Variants in DDX60 observed in about 807,000 individuals in gnomAD.
The protein encoded by DDX60 is probable ATP-dependent RNA helicase DDX60.
In DDX60, 165 loss-of-function variants were observed where a neutral mutation model predicts 212.8. That is an observed-to-expected ratio of 0.78 (90% CI 0.68 to 0.88). DDX60 has a LOEUF of 0.88. Among genes scored for constraint, DDX60 ranks in the 40% least tolerant of loss-of-function variants. The pLI is 0.00. For synonymous variants in DDX60, 703 were observed against 685.3 expected, an observed-to-expected ratio of 1.03 and a Z score of -0.40; for missense variants, 1,905 against 2,003.9, an observed-to-expected ratio of 0.95 and a Z score of 0.94.
At chr4:168,227,638 T>G (rs1031327009) in intron 33 of DDX60, among the ~76,000 whole-genome samples, 2 of 152,042 alleles carry the variant, frequency 1.3e-5, no homozygotes, top group Non-Finnish European at 2.9e-5. Flanking sequence ...GTTATTTTCT[T>G]AAGCTAAAGT....
At chr4:168,222,414 A>G (rs1441873503) in intron 35 of DDX60, among the ~76,000 whole-genome samples, 4 of 151,908 alleles carry the variant, frequency 2.6e-5, no homozygotes, top group Non-Finnish European at 4.4e-5. Context: ...GATCAATAGA[A>G]CTCTAGCATA....
chr4:168,266,089 C>T (rs1734837026), intron 22 of DDX60, among the ~76,000 whole-genome samples: 1 of 152,160 alleles, frequency 6.6e-6, no homozygotes, highest in Admixed American at 6.5e-5. Context: ...TTACCATCAG[C>T]CAGCTTGCTT....
At chr4:168,219,852 C>A (rs1319327062) in intron 37 of DDX60, among the ~76,000 whole-genome samples, 1 of 151,970 alleles carries the variant, frequency 6.6e-6, no homozygotes, top group Non-Finnish European at 1.5e-5. Flanking sequence ...CACTAACCAA[C>A]ATGGAGAAAC....
chr4:168,292,003 G>C lies in DDX60; in HGVS notation c.883-97C>G, dbSNP rs1046527042. 5.9e-6 allele frequency: 4 copies of C among 679,812 alleles called. No individual in the cohort carries two copies. In the East Asian group the frequency reaches 9.2e-5, roughly 16 times the overall value. The allele number at this position is 679,812 out of a possible 1,614,324, so 42.1% of individuals were successfully genotyped here. On this transcript the variant is annotated intron_variant, in intron 7 of 37. Coordinates refer to ENST00000393743, the MANE Select transcript of DDX60 (RefSeq NM_017631.6). The stretch of plus-strand genomic sequence containing the variant: ...ACAAAAGCTGACAGCTACCTTTGCT[G>C]TTCAGGAATCATGAATTATTCCTTT...
chr4:168,290,798 G>A (rs1029545939), intron 8 of DDX60, among the ~76,000 whole-genome samples: 8 of 152,110 alleles, frequency 5.3e-5, no homozygotes, highest in African/African-American at 1.4e-4. Context: ...GTAGGTCTAT[G>A]AAGGGGTTGG....
At chr4:168,301,302 T>C (rs1736638221) in intron 6 of DDX60, among the ~76,000 whole-genome samples, 1 of 152,138 alleles carries the variant, frequency 6.6e-6, no homozygotes, top group African/African-American at 2.4e-5. Flanking sequence ...CCAGTAGCAG[T>C]TCACCAACAA....
At chr4:168,316,526 G>GA (rs893049393) in intron 1 of DDX60, among the ~76,000 whole-genome samples, 3 of 151,760 alleles carry the variant, frequency 2.0e-5, no homozygotes, top group Non-Finnish European at 2.9e-5. Context: ...GACAATATAT[G>GA]AAAAAAAATA....
At chr4:168,245,064 T>C (rs182158803) in intron 30 of DDX60, among the ~76,000 whole-genome samples, 2 of 152,316 alleles carry the variant, frequency 1.3e-5, no homozygotes, top group Admixed American at 1.3e-4. Flanking sequence ...TACTGAACTG[T>C]ACACTTAAAA....
At chr4:168,324,171 C>T in the DDX60 span, among the ~76,000 whole-genome samples, 27 of 152,196 alleles carry the variant, frequency 1.8e-4, no homozygotes, top group Middle Eastern at 6.8e-3. Flanking sequence ...GGAGCCAGGC[C>T]GTGGAGTGTT....
intron 30 of DDX60, among the ~76,000 whole-genome samples, chr4:168,245,112 A>G (rs951660045): frequency 1.3e-5 from 2 of 152,220 alleles, no homozygotes; most frequent in Non-Finnish European, 2.9e-5. Flanking sequence ...TTTCACCGCA[A>G]TAAATAAAAA....
chr4:168,227,984 C>T (rs984009101), intron 33 of DDX60, among the ~76,000 whole-genome samples: 2 of 152,022 alleles, frequency 1.3e-5, no homozygotes, highest in Non-Finnish European at 2.9e-5. Context: ...AGTCTGATGT[C>T]ACTTAATGGC....
rs775208389 is a variant in DDX60 at position 168,225,547 on chromosome 4, G to C, written c.4663C>G (p.Leu1555Val). ...TACTTACTGATTTTTGACAATGGGA[G>C]TTGATATTCCTGATTCATATCAGCC... ...KLADMNQEYQLPLSKIKFTGK... is the reference protein window; with the variant it reads ...KLADMNQEYQVPLSKIKFTGK... Residue 1555 changes from leucine to valine, a missense_variant, in exon 34 of 38, where the codon CTC (leucine) becomes GTC (valine). Physicochemically the swap from Leu to Val is conservative, Grantham distance 32. Coordinates refer to ENST00000393743, the MANE Select transcript of DDX60 (RefSeq NM_017631.6). 1 of 1,605,994 alleles carries C rather than the reference G, an allele frequency of 6.2e-7. No homozygotes were observed. Among genetic ancestry groups the C allele is most frequent in the Non-Finnish European group, 8.5e-7 (1 of 1,177,342 alleles).
Position 168,255,748 on chromosome 4 carries a change from G to A in DDX60, c.3520C>T (p.Arg1174Ter), listed in dbSNP as rs776523299. Residue 1174 changes from arginine to a stop codon, truncating the protein, a stop_gained, in exon 26 of 38, where the codon CGA becomes TGA. Coordinates refer to ENST00000393743, the MANE Select transcript of DDX60 (RefSeq NM_017631.6). LOFTEE classifies it high-confidence loss of function. ...KEAHVMANKL[R>*]KVKKSIEKQK... is the part of the protein sequence containing the mutation. Reference sequence around the variant, plus strand: ...TTCTCTATGGATTTTTTAACTTTTCGAAGTTTGTTAGCCATGACATGGGCT... The same window carrying A: ...TTCTCTATGGATTTTTTAACTTTTCAAAGTTTGTTAGCCATGACATGGGCT... The A allele has an allele frequency of 3.8e-6, 6 of 1,588,994 alleles. No individual in the cohort carries two copies. Among genetic ancestry groups the A allele is most frequent in the African/African-American group, 1.4e-5 (1 of 72,680 alleles).
At chr4:168,316,212 T>G (rs1737371232) in intron 1 of DDX60, among the ~76,000 whole-genome samples, 1 of 152,224 alleles carries the variant, frequency 6.6e-6, no homozygotes, top group East Asian at 1.9e-4. Context: ...ACAGTAATTT[T>G]AACAACATAG....
At position 168,285,282 on chromosome 4, in the gene DDX60, A is replaced by C. The variant is rs976901896; in HGVS notation, c.1445+111T>G. 1.6e-5 allele frequency: 11 copies of C among 703,434 alleles called. No individual in the cohort carries two copies. In the African/African-American group the frequency reaches 2.0e-4, roughly 13 times the overall value. 43.6% of individuals were successfully genotyped at this position (703,434 alleles called of 1,614,324 possible). A position where few individuals can be genotyped will look rare whatever the true frequency, so the allele number is the denominator to read the frequency against. On this transcript the variant is annotated intron_variant, in intron 11 of 37. Transcript: ENST00000393743. ...ATTTTAAATTCATTATGTATTACAA[A>C]CACATACTACATGTAATGTACTCTA...
intron 7 of DDX60, among the ~76,000 whole-genome samples, chr4:168,292,663 G>GA (rs1455259855): frequency 2.6e-5 from 4 of 152,154 alleles, no homozygotes; most frequent in African/African-American, 9.7e-5. Flanking sequence ...TAATATATCT[G>GA]AAAAACCTGC....
chr4:168,236,148 T>C lies in DDX60; in HGVS notation c.4533+104A>G, dbSNP rs1306254652. On this transcript the variant is annotated intron_variant, in intron 33 of 37. Transcript: ENST00000393743. Reference sequence around the variant, plus strand: ...AGAACAAATTATTCTATAAAACAAATGAACTGCCCTTTGAATTAAAATTCT... The same window carrying C: ...AGAACAAATTATTCTATAAAACAAACGAACTGCCCTTTGAATTAAAATTCT... The C allele has an allele frequency of 3.7e-6, 4 of 1,078,644 alleles. No individual in the cohort carries two copies. In the East Asian group the frequency reaches 1.1e-4, roughly 30 times the overall value. The allele number at this position is 1,078,644 out of a possible 1,614,324, so 66.8% of individuals were successfully genotyped here. A position where few individuals can be genotyped will look rare whatever the true frequency, so the allele number is the denominator to read the frequency against.
At position 168,225,531 on chromosome 4, in the gene DDX60, A is replaced by G. The variant is rs771897931; in HGVS notation, c.4679T>C (p.Ile1560Thr). The G allele has an allele frequency of 3.7e-6, 6 of 1,603,684 alleles. No homozygotes were observed. In the Admixed American group the frequency reaches 1.0e-4, roughly 28 times the overall value. Residue 1560 changes from isoleucine (I) to threonine (T), a missense_variant and splice_region_variant, in exon 34 of 38, where the codon ATC becomes ACC. By Grantham distance (89) the Ile-to-Thr change is moderately conservative. Coordinates refer to ENST00000393743, the MANE Select transcript of DDX60 (RefSeq NM_017631.6). ...NQEYQLPLSK[I>T]KFTGKECEDS... Reference sequence around the variant, plus strand: ...CAATGGAGGTAAAATATACTTACTGATTTTTGACAATGGGAGTTGATATTC... The same window carrying G: ...CAATGGAGGTAAAATATACTTACTGGTTTTTGACAATGGGAGTTGATATTC...
At chr4:168,310,474 A>G (rs901964880) in intron 3 of DDX60, among the ~76,000 whole-genome samples, 13 of 152,200 alleles carry the variant, frequency 8.5e-5, no homozygotes, top group African/African-American at 3.1e-4. Flanking sequence ...GAGGGCAGGC[A>G]AGCCTTTGAA....
Sources: gnomAD v4.1 joint callset for allele counts (sites outside exome capture counted in the v4.1 genomes callset) on GRCh38, gnomAD v4.1.1 for gene constraint, MANE v1.5 for transcripts, NCBI Gene and HGNC (gene_info 2026-07-23, HGNC 2026-07-21) for gene names.